Variants in TBXAS1 observed in about 807,000 individuals in gnomAD.
TBXAS1 encodes thromboxane A synthase 1, also known as thromboxane-A synthase.
In TBXAS1, 48 loss-of-function variants were observed where a neutral mutation model predicts 60.7. The ratio of observed to expected loss-of-function variants is 0.79; its 90% CI spans 0.63 to 1.01. TBXAS1 has a LOEUF of 1.01. Ranked by LOEUF, TBXAS1 falls within the 50% of genes least tolerant of loss-of-function variation. The probability of loss-of-function intolerance (pLI) is 0.00; values close to 1 mark genes in which losing one functional copy is unlikely to be tolerated. For synonymous variants in TBXAS1, 287 were observed against 269.7 expected (o/e 1.06, Z -0.63); for missense variants, 685 against 686.3 (o/e 1.00, Z 0.02).
chr7:139,868,263 T>A (rs1584721858), intron 1 of TBXAS1, among the ~76,000 whole-genome samples: 1 of 152,332 alleles, frequency 6.6e-6, no homozygotes, highest in East Asian at 1.9e-4. Context: ...TGCACTTTTT[T>A]AAATGGCACA....
intron 1 of TBXAS1, among the ~76,000 whole-genome samples, chr7:139,842,413 G>C (rs1799509880): frequency 2.0e-5 from 3 of 152,174 alleles, no homozygotes; most frequent in African/African-American, 7.2e-5. Context: ...CCTAACCCTA[G>C]TGCCATAATA....
At chr7:139,939,188 A>G (rs2117215082) in intron 5 of TBXAS1, among the ~76,000 whole-genome samples, 1 of 152,204 alleles carries the variant, frequency 6.6e-6, no homozygotes, top group Middle Eastern at 3.4e-3. Context: ...AACATGGTGA[A>G]ACCCTGTCTC....
intron 3 of TBXAS1, among the ~76,000 whole-genome samples, chr7:139,883,119 C>T (rs930067575): frequency 1.5e-4 from 23 of 152,110 alleles, no homozygotes; most frequent in Admixed American, 1.3e-3. Flanking sequence ...GCACACTGCC[C>T]AGTAGGTGGA....
intron 1 of TBXAS1, among the ~76,000 whole-genome samples, chr7:139,870,594 G>C (rs573349307): frequency 4.6e-5 from 7 of 152,214 alleles, no homozygotes; most frequent in Non-Finnish European, 8.8e-5. Context: ...AGGAGTGTTG[G>C]TATGACTAAT....
intron 1 of TBXAS1, among the ~76,000 whole-genome samples, chr7:139,843,608 G>A (rs187656456): frequency 1.1e-3 from 168 of 152,308 alleles, no homozygotes; most frequent in Middle Eastern, 0.01. Context: ...CTCACAAAGT[G>A]CTGGGATTAC....
At chr7:139,992,685 C>T (rs912334445) in intron 9 of TBXAS1, among the ~76,000 whole-genome samples, 6 of 152,244 alleles carry the variant, frequency 3.9e-5, no homozygotes, top group Non-Finnish European at 5.9e-5. Context: ...TGGGGGCCTT[C>T]GTTTCCTCCC....
At chr7:140,019,710 G>T (rs964773420) in intron 12 of TBXAS1, among the ~76,000 whole-genome samples, 2 of 152,178 alleles carry the variant, frequency 1.3e-5, no homozygotes, top group African/African-American at 4.8e-5. Flanking sequence ...TTTTAAGCTG[G>T]ACATAGGAAA....
At position 139,953,476 on chromosome 7, in the gene TBXAS1, G is replaced by T; in HGVS notation, c.539+20G>T. The T allele has an allele frequency of 6.2e-7, 1 of 1,610,626 alleles. No homozygotes were observed. The highest frequency in any genetic ancestry group is 2.2e-5 in the East Asian group (1 of 44,870). ...CCAGAGGTAAGGCTGCTGCATTACA[G>T]ATGAGAAATCGAGTTTTTGAATCAC... On this transcript the variant is annotated intron_variant, in intron 6 of 12. Transcript: ENST00000448866.
chr7:139,928,692 C>A (rs1466406235), intron 4 of TBXAS1, among the ~76,000 whole-genome samples: 1 of 152,192 alleles, frequency 6.6e-6, no homozygotes, highest in Non-Finnish European at 1.5e-5. Context: ...ACCACCAACC[C>A]GTTGCTTCTC....
rs35583867 is a variant in TBXAS1 at position 139,978,775 on chromosome 7, CAAAAAAAAAA to C, written c.1134+16556_1134+16565del. Among the ~76,000 whole-genome samples, 414 of 90,994 alleles carry C rather than the reference CAAAAAAAAAA, an allele frequency of 4.5e-3. 2 individuals are homozygous for C. Among genetic ancestry groups the C allele is most frequent in the African/African-American group, 0.016 (358 of 22,674 alleles). The allele number at this position is 90,994 out of a possible 152,430, so 59.7% of individuals were successfully genotyped here. A position where few individuals can be genotyped will look rare whatever the true frequency, so the allele number is the denominator to read the frequency against. ...CAATATAGTGAAACCCCTGCCTCTA[CAAAAAAAAAA>C]AAAAAAAAAAAAATCAAAAATTAGC... On this transcript the variant is annotated intron_variant, in intron 9 of 12. Transcript: ENST00000448866.
At chr7:139,826,744 C>T (rs1798447299), upstream of TBXAS1, among the ~76,000 whole-genome samples, 1 of 152,194 alleles carries the variant, frequency 6.6e-6, no homozygotes, top group South Asian at 2.1e-4. Flanking sequence ...CCTAGAATAA[C>T]TAGTGTGTAG....
chr7:139,848,499 A>T (rs1162997041), intron 1 of TBXAS1, among the ~76,000 whole-genome samples: 1 of 152,210 alleles, frequency 6.6e-6, no homozygotes, highest in Admixed American at 6.5e-5. Flanking sequence ...GCTCATTGGC[A>T]AATGACAATG....
rs980744054 is a variant in TBXAS1, at chr7:140,004,583, G to A, written c.1135-2508G>A. Among the ~76,000 whole-genome samples, 5 of 152,150 alleles carry A rather than the reference G, an allele frequency of 3.3e-5. No homozygotes were observed. Among genetic ancestry groups the A allele is most frequent in the Admixed American group, 2.0e-4 (3 of 15,274 alleles). The stretch of plus-strand genomic sequence containing the variant: ...CAAGTTGCCTCCAGGTTTGCCCAAC[G>A]GGGATGTTCTTTCAGGCCTGGACAT... On this transcript the variant is annotated intron_variant, in intron 9 of 12. Transcript: ENST00000448866. This position sits in a 1 kb window ranked among gnomAD's most constrained non-coding sequence, Gnocchi z 5.1.
chr7:139,926,887 G>A (rs1305135923), intron 4 of TBXAS1, among the ~76,000 whole-genome samples: 4 of 151,796 alleles, frequency 2.6e-5, no homozygotes, highest in Non-Finnish European at 5.9e-5. Context: ...TTGGCACAAT[G>A]GTCATTCAGG....
chr7:139,887,158 A>G (rs1803176259), intron 3 of TBXAS1, among the ~76,000 whole-genome samples: 1 of 152,134 alleles, frequency 6.6e-6, no homozygotes, highest in Admixed American at 6.5e-5. Flanking sequence ...CAGGAGGAAC[A>G]CTGTGACCCA....
At chr7:139,948,253 G>A (rs547798084) in intron 5 of TBXAS1, among the ~76,000 whole-genome samples, 27 of 152,216 alleles carry the variant, frequency 1.8e-4, no homozygotes, top group African/African-American at 2.9e-4. Context: ...GTGGGTAGCC[G>A]CCATCTTGCT....
rs1428931466 is a variant in TBXAS1, at chr7:139,852,623, C to T, written c.90-19612C>T. Among the ~76,000 whole-genome samples the T allele has an allele frequency of 3.3e-5, 5 of 152,172 alleles. No individual in the cohort carries two copies. The highest frequency in any genetic ancestry group is 1.2e-4 in the African/African-American group (5 of 41,440). ...AGATCTGGGGGATTACAGGAACAAA[C>T]ATGATGCAAGGGGATTATAAATATT... On this transcript the variant is annotated intron_variant, in intron 1 of 12. Transcript: ENST00000448866. The surrounding 1 kb of genome is among the most constrained non-coding windows in gnomAD (Gnocchi z 4.4).
chr7:139,987,440 C>T (rs564253746), intron 9 of TBXAS1, among the ~76,000 whole-genome samples: 1 of 152,290 alleles, frequency 6.6e-6, no homozygotes, highest in South Asian at 2.1e-4. Context: ...CTAAGACTGG[C>T]CGACAGCTCT....
At chr7:139,990,724 A>C (rs1585018794) in intron 9 of TBXAS1, among the ~76,000 whole-genome samples, 6 of 123,998 alleles carry the variant, frequency 4.8e-5, no homozygotes, top group Non-Finnish European at 8.1e-5. Context: ...TACCACTCTC[A>C]TCTGGTTGCC....
Sources: allele counts gnomAD v4.1 joint callset (sites outside exome capture counted in the v4.1 genomes callset), GRCh38; gene constraint gnomAD v4.1.1; non-coding constraint Gnocchi (gnomAD v3.1); transcripts MANE v1.5; gene names NCBI Gene and HGNC (gene_info 2026-07-23, HGNC 2026-07-21).